Variants in PFKFB3 observed in about 807,000 individuals in gnomAD.
PFKFB3 encodes the protein 6-phosphofructo-2-kinase/fructose-2,6-biphosphatase 3.
PFKFB3 carries 33 observed loss-of-function variants against 68.0 expected under a neutral mutation model. The ratio of observed to expected loss-of-function variants is 0.49; its 90% CI spans 0.37 to 0.65. PFKFB3 has a LOEUF of 0.65. PFKFB3 is among the 30% of genes least tolerant of loss of function. The probability of loss-of-function intolerance (pLI) is 0.00; values close to 1 mark genes in which losing one functional copy is unlikely to be tolerated. For missense variants in PFKFB3, 586 were observed against 712.2 expected, an observed-to-expected ratio of 0.82 and a Z score of 2.02; for synonymous variants, 315 against 288.2, an observed-to-expected ratio of 1.09 and a Z score of -0.94.
chr10:6,262,421 C>T, the PFKFB3 span, among the ~76,000 whole-genome samples: 1 of 141,770 alleles, frequency 7.1e-6, no homozygotes, highest in Non-Finnish European at 1.5e-5. Flanking sequence ...CACCACTGCA[C>T]TCCAGCCTGG....
At chr10:6,248,780 T>C (rs538268747) in intron 14 of PFKFB3, among the ~76,000 whole-genome samples, 10 of 151,898 alleles carry the variant, frequency 6.6e-5, no homozygotes, top group Admixed American at 4.6e-4. Context: ...ATTAGGAAAA[T>C]GAAAATTAAA....
intron 1 of PFKFB3, among the ~76,000 whole-genome samples, chr10:6,204,685 T>C (rs1049279316): frequency 6.6e-6 from 1 of 152,268 alleles, no homozygotes; most frequent in African/African-American, 2.4e-5. Flanking sequence ...GCGCTTGAAC[T>C]GGGGTGGCCC....
At chr10:6,161,117 G>C (rs1841954601) in intron 1 of PFKFB3, among the ~76,000 whole-genome samples, 1 of 151,994 alleles carries the variant, frequency 6.6e-6, no homozygotes, top group Non-Finnish European at 1.5e-5. Context: ...TGTATTTTTA[G>C]TAGAGACGGG....
intron 1 of PFKFB3, among the ~76,000 whole-genome samples, chr10:6,145,859 G>T (rs1260421230): frequency 1.3e-5 from 2 of 152,216 alleles, no homozygotes; most frequent in Non-Finnish European, 2.9e-5. Flanking sequence ...CGCACCGGGG[G>T]GTCCCAGCGC....
chr10:6,247,071 A>G (rs60777201), intron 14 of PFKFB3, among the ~76,000 whole-genome samples: 2,851 of 152,326 alleles, frequency 0.019, 84 homozygotes, highest in African/African-American at 0.066. Flanking sequence ...CAAGGGCAAC[A>G]TTGGCTTCAT....
At chr10:6,213,858 C>T (rs994928004) in intron 2 of PFKFB3, 110 bp downstream of exon 2, 8 of 1,183,530 alleles carry the variant, frequency 6.8e-6, no homozygotes, top group Admixed American at 4.2e-5. Context: ...GTCCCCTGGT[C>T]GGGGAGTCTG....
chr10:6,227,582 G>C (rs2132023982), intron 14 of PFKFB3, among the ~76,000 whole-genome samples: 1 of 152,358 alleles, frequency 6.6e-6, no homozygotes, highest in East Asian at 1.9e-4. Flanking sequence ...CAGATGAGGG[G>C]ATTCATGCCC....
chr10:6,209,227 T>A (rs1843996054), intron 1 of PFKFB3, among the ~76,000 whole-genome samples: 1 of 152,194 alleles, frequency 6.6e-6, no homozygotes. Flanking sequence ...TCCCCCAGAT[T>A]CAATTCGGGT....
At chr10:6,249,454 A>C (rs1320514930) in intron 14 of PFKFB3, among the ~76,000 whole-genome samples, 1 of 152,244 alleles carries the variant, frequency 6.6e-6, no homozygotes, top group Non-Finnish European at 1.5e-5. Flanking sequence ...AGTGTTCAGC[A>C]ACATATGAAT....
chr10:6,179,323 A>T (rs140384828), intron 1 of PFKFB3, among the ~76,000 whole-genome samples: 2 of 152,246 alleles, frequency 1.3e-5, no homozygotes, highest in Non-Finnish European at 2.9e-5. Flanking sequence ...CAAGAGCCCA[A>T]ACTCATCTGC....
At chr10:6,297,812 C>CCTAT in the PFKFB3 span, among the ~76,000 whole-genome samples, 1 of 152,150 alleles carries the variant, frequency 6.6e-6, no homozygotes, top group Admixed American at 6.5e-5. Flanking sequence ...GGTCCTCTTT[C>CCTAT]CTATCTGTGG....
intron 1 of PFKFB3, among the ~76,000 whole-genome samples, chr10:6,166,082 C>A (rs1374322716): frequency 6.6e-6 from 1 of 151,368 alleles, no homozygotes; most frequent in Non-Finnish European, 1.5e-5. Flanking sequence ...TGGGTTCAAG[C>A]GATTCTCCTG....
chr10:6,285,225 ATT>A, the PFKFB3 span, among the ~76,000 whole-genome samples: 1 of 139,476 alleles, frequency 7.2e-6, no homozygotes, highest in Non-Finnish European at 1.6e-5. Flanking sequence ...TACAATCTCT[ATT>A]TTTTTTTTTT....
At chr10:6,278,298 T>G in the PFKFB3 span, among the ~76,000 whole-genome samples, 2 of 150,900 alleles carry the variant, frequency 1.3e-5, no homozygotes, top group Admixed American at 1.3e-4. Flanking sequence ...GTTGTTGTTT[T>G]TAAGAGGGAG....
chr10:6,177,059 T>C (rs2131766271), intron 1 of PFKFB3, among the ~76,000 whole-genome samples: 1 of 152,322 alleles, frequency 6.6e-6, no homozygotes, highest in Middle Eastern at 3.4e-3. Context: ...TTTCCCAGGC[T>C]GGCCTCTCAG....
chr10:6,216,203 C>A lies in PFKFB3; in HGVS notation c.366+12C>A. On this transcript the variant is annotated intron_variant, in intron 4 of 14. Transcript: ENST00000379775. Reference sequence around the variant, plus strand: ...GGGGACAAATTGCGGTAAGTCCAGGCAATGTAGCCGGCTCGGTGTCCAGTC... The same window carrying A: ...GGGGACAAATTGCGGTAAGTCCAGGAAATGTAGCCGGCTCGGTGTCCAGTC... 1 of 1,613,152 alleles carries A rather than the reference C, an allele frequency of 6.2e-7. No individual in the cohort carries two copies.
chr10:6,276,079 A>G, the PFKFB3 span, among the ~76,000 whole-genome samples: 1 of 152,178 alleles, frequency 6.6e-6, no homozygotes, highest in Non-Finnish European at 1.5e-5. Flanking sequence ...AGGGAATGAG[A>G]GGATTTTTGG....
At chr10:6,300,635 C>A in the PFKFB3 span, among the ~76,000 whole-genome samples, 194 of 152,304 alleles carry the variant, frequency 1.3e-3, 2 homozygotes, top group African/African-American at 4.4e-3. Context: ...AACGATGTGT[C>A]GTGTCTCAAA....
the PFKFB3 span, among the ~76,000 whole-genome samples, chr10:6,296,513 G>A: frequency 4.6e-5 from 7 of 152,158 alleles, no homozygotes; most frequent in South Asian, 2.1e-4. Flanking sequence ...GCAGAGCAGC[G>A]GTGTGGGCTG....
Sources: gnomAD v4.1 joint callset for allele counts (sites outside exome capture counted in the v4.1 genomes callset) on GRCh38, gnomAD v4.1.1 for gene constraint, MANE v1.5 for transcripts, NCBI Gene and HGNC (gene_info 2026-07-23, HGNC 2026-07-21) for gene names.